The following PNPLA6 variants were observed in gnomAD, a reference collection of about 807,000 sequenced individuals.
The protein encoded by PNPLA6 is patatin-like phospholipase domain-containing protein 6.
In PNPLA6, 105 loss-of-function variants were observed where a neutral mutation model predicts 153.7. The observed-to-expected ratio is 0.68, with a 90% CI of 0.58 to 0.80. PNPLA6 has a LOEUF of 0.80. PNPLA6 is among the 30% of genes least tolerant of loss of function. PNPLA6 has a pLI of 0.00. For synonymous variants in PNPLA6, 825 were observed against 822.2 expected, an observed-to-expected ratio of 1.00 and a Z score of -0.06; for missense variants, 1,423 against 1,919.3, an observed-to-expected ratio of 0.74 and a Z score of 4.83.
intron 14 of PNPLA6, 49 bp downstream of exon 14, chr19:7,550,161 C>G: frequency 6.2e-7 from 1 of 1,609,246 alleles, no homozygotes; most frequent in Non-Finnish European, 8.5e-7. Flanking sequence ...AGGACCCCAA[C>G]CCGTGGGAGT....
At chr19:7,542,366 GA>G in intron 10 of PNPLA6, 194 bp from the exon 11 acceptor site, 1 of 630,196 alleles carries the variant, frequency 1.6e-6, no homozygotes. Context: ...TTTCTTTTGA[GA>G]CCTGTCTCCC....
chr19:7,552,511 T>C (rs1387084039), intron 18 of PNPLA6, among the ~76,000 whole-genome samples: 1 of 152,118 alleles, frequency 6.6e-6, no homozygotes, highest in Non-Finnish European at 1.5e-5. Flanking sequence ...ATCTCAGCAC[T>C]TTGTGAGGCT....
chr19:7,554,201 A>G lies in PNPLA6; in HGVS notation c.2402-8A>G, dbSNP rs1382405608. The G allele has an allele frequency of 6.2e-7, 1 of 1,612,314 alleles. No homozygotes were observed. Among genetic ancestry groups the G allele is most frequent in the South Asian group, 1.1e-5 (1 of 91,036 alleles). On this transcript the variant is annotated splice_polypyrimidine_tract_variant and splice_region_variant and intron_variant, in intron 19 of 31. Transcript: ENST00000600737. ...GGTTCCCAGCCTCCCTTCCCCACCT[A>G]CCCCTAGGTCCGACGCTACTCCTTA... is the stretch of plus-strand genomic sequence containing the variant.
At position 7,561,255 on chromosome 19, in the gene PNPLA6, G is replaced by A. The variant is rs144558473; in HGVS notation, c.3961G>A (p.Asp1321Asn). 5.6e-6 allele frequency: 9 copies of A among 1,610,794 alleles called. No homozygotes were observed. Among genetic ancestry groups the A allele is most frequent in the Admixed American group, 1.7e-5 (1 of 59,390 alleles). ...LTEYEEDAGP[D>N]CSRDEGGSPE... ...AGAGTATGAGGAGGACGCCGGACCC[G>A]ACTGCTCGAGGGATGAAGGGGGGTC... is the stretch of plus-strand genomic sequence containing the variant. Residue 1321 changes from aspartate to asparagine, a missense_variant, in exon 31 of 32, where the codon GAC (aspartate) becomes AAC (asparagine). Physicochemically the swap from Asp to Asn is conservative, Grantham distance 23. Around this residue, in one of 10 missense-constraint regions of PNPLA6, gnomAD observed 643 missense variants for 835.2 expected, o/e 0.77. Transcript: ENST00000600737.
chr19:7,548,947 C>T (rs1007699726), intron 13 of PNPLA6, among the ~76,000 whole-genome samples: 1 of 150,110 alleles, frequency 6.7e-6, no homozygotes, highest in Admixed American at 6.6e-5. Flanking sequence ...GGACTACAGG[C>T]GCCCGCCACC....
chr19:7,550,695 C>T lies in PNPLA6; in HGVS notation c.2070+55C>T. 1.9e-6 allele frequency: 3 copies of T among 1,600,132 alleles called. No homozygotes were observed. In the South Asian group the frequency reaches 3.3e-5, roughly 18 times the overall value. On this transcript the variant is annotated intron_variant, in intron 16 of 31. Coordinates refer to ENST00000600737, the MANE Select transcript of PNPLA6 (RefSeq NM_001166114.2). The stretch of plus-strand genomic sequence containing the variant: ...GGCCTTTTCCAGGCCAGTCCCTCGA[C>T]AACTCACACACATCATCCCGGGTAA...
In PNPLA6 at chr19:7,559,007, C is replaced by G. The variant is rs2024000965; in HGVS notation, c.3555C>G (p.Asp1185Glu). Residue 1185 changes from aspartate (D) to glutamate (E), a missense_variant, in exon 28 of 32, where the codon GAC (aspartate) becomes GAG (glutamate). Asp to Glu is a conservative substitution (Grantham distance 45, BLOSUM62 2). This residue lies in a region of PNPLA6 where 643 missense variants were observed against 835.2 expected (regional missense o/e 0.77). Coordinates refer to ENST00000600737, the MANE Select transcript of PNPLA6 (RefSeq NM_001166114.2). ...GGGCTGACAAGGTAAAGGTTCCAGA[C>G]ATGGCTGAAATCCAGTCCCGCCTGG... The part of the protein sequence containing the change: ...NPWADKVKVP[D>E]MAEIQSRLAY... 6.2e-7 allele frequency: 1 copy of G among 1,614,092 alleles called. No individual in the cohort carries two copies. The highest frequency in any genetic ancestry group is 8.5e-7 in the Non-Finnish European group (1 of 1,180,046).
chr19:7,556,651 G>T lies in PNPLA6; in HGVS notation c.3211-4G>T, dbSNP rs779851141. 8 of 1,612,250 alleles carry T rather than the reference G, an allele frequency of 5.0e-6. No individual in the cohort carries two copies. The East Asian group carries it at 1.3e-4, about 27-fold the overall frequency. ...CTCCCCCACCTCGATCCCTGTCCCC[G>T]CAGGACCTGTGGCTGCCTTACTTCA... On this transcript the variant is annotated splice_region_variant and splice_polypyrimidine_tract_variant and intron_variant, in intron 25 of 31. Transcript: ENST00000600737.
In PNPLA6 at chr19:7,540,355, G is replaced by T. The variant is rs983596236; in HGVS notation, c.714+47G>T. On this transcript the variant is annotated intron_variant, in intron 5 of 31. Transcript: ENST00000600737. The surrounding 1 kb of genome is among the most constrained non-coding windows in gnomAD (Gnocchi z 6.8). ...CTGCTGCAGGAGGATGGGTGGTGGG[G>T]ATGGGCAGCAGGCATTGGTCTGTAG... The T allele has an allele frequency of 6.4e-7, 1 of 1,570,984 alleles. No individual in the cohort carries two copies. Among genetic ancestry groups the T allele is most frequent in the South Asian group, 1.2e-5 (1 of 86,938 alleles).
At chr19:7,550,190 C>T in intron 14 of PNPLA6, 78 bp downstream of exon 14, 1 of 1,608,520 alleles carries the variant, frequency 6.2e-7, no homozygotes, top group Non-Finnish European at 8.5e-7. Context: ...CCCCATCCCT[C>T]AACCTCACTC....
In PNPLA6 at chr19:7,559,214, G is replaced by GC. The variant is rs2024009263; in HGVS notation, c.3699+66dup. 8 of 1,419,182 alleles carry GC rather than the reference G, an allele frequency of 5.6e-6. No homozygotes were observed. In the Admixed American group the frequency reaches 6.7e-5, roughly 12 times the overall value. The allele number at this position is 1,419,182 out of a possible 1,614,324, so 87.9% of individuals were successfully genotyped here. A position where few individuals can be genotyped will look rare whatever the true frequency, so the allele number is the denominator to read the frequency against. On this transcript the variant is annotated intron_variant, in intron 28 of 31. Coordinates refer to ENST00000600737, the MANE Select transcript of PNPLA6 (RefSeq NM_001166114.2). Reference sequence around the variant, plus strand: ...GTCCGGCTAAGCTTTGCTACTTAAAGCCCAGAGTGGTATGAGGGGGAGGAA... The same window carrying GC: ...GTCCGGCTAAGCTTTGCTACTTAAAGCCCCAGAGTGGTATGAGGGGGAGGAA...
At chr19:7,552,970 C>T (rs1377728026) in intron 18 of PNPLA6, among the ~76,000 whole-genome samples, 1 of 144,772 alleles carries the variant, frequency 6.9e-6, no homozygotes, top group African/African-American at 2.6e-5. Flanking sequence ...AGGGGTGCTG[C>T]ACAGGAGGCT....
Position 7,542,943 on chromosome 19 carries a change from G to C in PNPLA6, c.1530+15G>C. The C allele has an allele frequency of 6.2e-7, 1 of 1,613,752 alleles. No individual in the cohort carries two copies. The highest frequency in any genetic ancestry group is 8.5e-7 in the Non-Finnish European group (1 of 1,179,934). On this transcript the variant is annotated intron_variant, in intron 12 of 31. Coordinates refer to ENST00000600737, the MANE Select transcript of PNPLA6 (RefSeq NM_001166114.2). ...TGCGGATTGAGGTGGGCAGCCGAGG[G>C]GAGCTGGGCACAGGGCGCAAGGGAG...
chr19:7,558,817 G>A (rs1314497325), intron 27 of PNPLA6, 33 bp from the exon 28 acceptor site: 1 of 1,580,558 alleles, frequency 6.3e-7, no homozygotes, highest in Non-Finnish European at 8.6e-7. Flanking sequence ...GGCCCCCGAG[G>A]GGAGCAGCCC....
chr19:7,554,151 G>C (rs1020012819), intron 19 of PNPLA6, 58 bp from the exon 20 acceptor site: 2 of 1,587,804 alleles, frequency 1.3e-6, no homozygotes, highest in African/African-American at 2.7e-5. Context: ...TCTTTTCTGA[G>C]TTAGGCCCCA....
In PNPLA6 at chr19:7,540,790, TC is replaced by T; in HGVS notation, c.795+84del. 2 of 1,541,398 alleles carry T rather than the reference TC, an allele frequency of 1.3e-6. No individual in the cohort carries two copies. Among genetic ancestry groups the T allele is most frequent in the Non-Finnish European group, 1.8e-6 (2 of 1,114,012 alleles). On this transcript the variant is annotated intron_variant, in intron 6 of 31. Coordinates refer to ENST00000600737, the MANE Select transcript of PNPLA6 (RefSeq NM_001166114.2). The surrounding 1 kb of genome is among the most constrained non-coding windows in gnomAD (Gnocchi z 6.8). ...GACTAGGTTGAAGGAAATCACAGGG[TC>T]CCCAATCTCTGGTTCATCCGTTATG...
At chr19:7,556,623 C>A (rs1034724654) in intron 25 of PNPLA6, 32 bp from the exon 26 acceptor site, 8 of 1,600,604 alleles carry the variant, frequency 5.0e-6, no homozygotes, top group Non-Finnish European at 6.8e-6. Flanking sequence ...GAGCCCCCTG[C>A]TCCTCCCCCA....
chr19:7,536,308 C>T (rs1332277422), intron 2 of PNPLA6, 35 bp downstream of exon 2: 1 of 1,534,498 alleles, frequency 6.5e-7, no homozygotes, highest in Non-Finnish European at 9.0e-7. Context: ...GCCCTGACCA[C>T]ACAGAGGCCG....
At chr19:7,546,756 A>G (rs184324263) in intron 13 of PNPLA6, among the ~76,000 whole-genome samples, 2 of 152,258 alleles carry the variant, frequency 1.3e-5, no homozygotes, top group East Asian at 3.9e-4. Context: ...ATTTTTTTAA[A>G]GGTGGGGTCT....
Sources: allele counts gnomAD v4.1 joint callset (sites outside exome capture counted in the v4.1 genomes callset), GRCh38; gene constraint gnomAD v4.1.1; regional missense constraint gnomAD v4.1.1; non-coding constraint Gnocchi (gnomAD v3.1); transcripts MANE v1.5; gene names NCBI Gene and HGNC (gene_info 2026-07-23, HGNC 2026-07-21).